DLEC1: variants seen among roughly 807,000 people sequenced by gnomAD.
The protein encoded by DLEC1 is DLEC1 cilia and flagella associated protein.
In DLEC1, 146 loss-of-function variants were observed where a neutral mutation model predicts 198.1. That is an observed-to-expected ratio of 0.74 (90% CI 0.64 to 0.85). DLEC1 has a LOEUF of 0.85. Among genes scored for constraint, DLEC1 ranks in the 40% least tolerant of loss-of-function variants. The pLI is 0.00. For synonymous variants in DLEC1, 897 were observed against 866.8 expected, an observed-to-expected ratio of 1.03 and a Z score of -0.61; for missense variants, 2,233 against 2,220.0, an observed-to-expected ratio of 1.01 and a Z score of -0.12.
chr3:38,119,476 CTT>C (rs1326676084), intron 33 of DLEC1, among the ~76,000 whole-genome samples: 1 of 152,100 alleles, frequency 6.6e-6, no homozygotes, highest in East Asian at 1.9e-4. Flanking sequence ...ACACTATTCT[CTT>C]TTCTTCATCC....
rs745494894 is a variant in DLEC1, at chr3:38,122,503, C to T, written c.*91C>T. On this transcript the variant is annotated 3_prime_UTR_variant, in exon 37 of 37. Transcript: ENST00000308059. ...CAGCTCTTCAGCACAAAGACACAGA[C>T]TTGGGGACCTGGGGACCTCTGGGCA... is the stretch of plus-strand genomic sequence containing the variant. The T allele has an allele frequency of 6.2e-7, 1 of 1,612,788 alleles. No individual in the cohort carries two copies. The highest frequency in any genetic ancestry group is 8.5e-7 in the Non-Finnish European group (1 of 1,179,748).
intron 6 of DLEC1, among the ~76,000 whole-genome samples, chr3:38,083,800 GT>G (rs11312889): frequency 0.42 from 61,150 of 145,984 alleles, 12,878 homozygotes; most frequent in East Asian, 0.57. Context: ...TAATTTTTTT[GT>G]TTTTTTTTTT....
intron 2 of DLEC1, chr3:38,051,975 T>C (rs1701139664): frequency 5.5e-6 from 1 of 180,538 alleles, no homozygotes; most frequent in Non-Finnish European, 1.2e-5. Flanking sequence ...CATAGACATT[T>C]TGACGTGGTA....
At chr3:38,081,836 C>T (rs1381692702) in intron 6 of DLEC1, among the ~76,000 whole-genome samples, 34 of 137,776 alleles carry the variant, frequency 2.5e-4, no homozygotes, top group African/African-American at 5.7e-4. Flanking sequence ...GCTGGCCAGG[C>T]GGGGGGCTGA....
intron 19 of DLEC1, among the ~76,000 whole-genome samples, chr3:38,106,059 T>G (rs1009973748): frequency 3.9e-5 from 6 of 152,238 alleles, no homozygotes; most frequent in Non-Finnish European, 5.9e-5. Flanking sequence ...GTAATATAGC[T>G]CAGCTCTATT....
chr3:38,118,427 C>T (rs1204235659), intron 33 of DLEC1, among the ~76,000 whole-genome samples: 1 of 152,168 alleles, frequency 6.6e-6, no homozygotes, highest in Non-Finnish European at 1.5e-5. Context: ...TCAGGTGAGC[C>T]CATGGGGTTG....
rs368500201 is a variant in DLEC1 at position 38,110,179 on chromosome 3, G to C, written c.3341G>C (p.Arg1114Pro). The C allele has an allele frequency of 4.7e-5, 76 of 1,614,190 alleles. No individual in the cohort carries two copies. The Middle Eastern group carries it at 1.2e-3, about 25-fold the overall frequency. The change falls in exon 23 of 37, where the codon CGC (arginine) becomes CCC (proline). Residue 1114 changes from arginine to proline, a missense_variant. Arg to Pro is a moderately radical substitution (Grantham distance 103). Coordinates refer to ENST00000308059, the MANE Select transcript of DLEC1 (RefSeq NM_007335.4). ...GTGCCACTGAGGACCCGTGTGACTC[G>C]CCAGCTCATTCTCACCAATCGCTCC... ...SAVPLRTRVT[R>P]QLILTNRSPI...
At chr3:38,044,401 A>C (rs1385533080) in intron 1 of DLEC1, among the ~76,000 whole-genome samples, 1 of 151,880 alleles carries the variant, frequency 6.6e-6, no homozygotes, top group Non-Finnish European at 1.5e-5. Context: ...TCTACTAAAA[A>C]ATATACAAAA....
intron 33 of DLEC1, among the ~76,000 whole-genome samples, chr3:38,118,758 T>C (rs1700313159): frequency 6.6e-6 from 1 of 152,154 alleles, no homozygotes; most frequent in Non-Finnish European, 1.5e-5. Context: ...CCCTTTATGC[T>C]GTGCTCCCTT....
In DLEC1 at chr3:38,120,458, C is replaced by A. The variant is rs1218144645; in HGVS notation, c.4715C>A (p.Ser1572Tyr). 2 of 1,614,062 alleles carry A rather than the reference C, an allele frequency of 1.2e-6. No homozygotes were observed. Among genetic ancestry groups the A allele is most frequent in the Non-Finnish European group, 1.7e-6 (2 of 1,180,032 alleles). ...TCCACATCTGCTCAGGTGAACGTGT[C>A]CTTCTCACTCTCCCTGGAGCTGCTC... ...QAQENMLVNV[S>Y]FSLSLELLSY... The change falls in exon 34 of 37, where the codon TCC becomes TAC. Residue 1572 changes from serine (S) to tyrosine (Y), a missense_variant. Ser to Tyr is a moderately radical substitution (Grantham distance 144). Coordinates refer to ENST00000308059, the MANE Select transcript of DLEC1 (RefSeq NM_007335.4).
chr3:38,111,430 G>C (rs1415716060), intron 23 of DLEC1, among the ~76,000 whole-genome samples: 1 of 152,214 alleles, frequency 6.6e-6, no homozygotes, highest in Non-Finnish European at 1.5e-5. Flanking sequence ...GGGTTTCTGG[G>C]GAGGTAATCC....
chr3:38,086,305 C>A lies in DLEC1; in HGVS notation c.1500C>A (p.Cys500Ter), dbSNP rs1264538096. 4 of 1,612,938 alleles carry A rather than the reference C, an allele frequency of 2.5e-6. No homozygotes were observed. Among genetic ancestry groups the A allele is most frequent in the African/African-American group, 2.7e-5 (2 of 74,878 alleles). ...IGGVKMTRFI[C>*]KNVGFSVGRF... ...GAGTCAAGATGACCAGATTCATCTG[C>A]AAAAATGTGGGTTTCAGTGTTGGCA... The change falls in exon 9 of 37, where the codon TGC becomes TGA. Residue 500 changes from cysteine (C) to a stop codon, truncating the protein, a stop_gained. Coordinates refer to ENST00000308059, the MANE Select transcript of DLEC1 (RefSeq NM_007335.4). LOFTEE classifies it high-confidence loss of function.
chr3:38,115,287 C>G (rs1451778447), intron 27 of DLEC1, among the ~76,000 whole-genome samples: 1 of 152,228 alleles, frequency 6.6e-6, no homozygotes, highest in African/African-American at 2.4e-5. Flanking sequence ...CTCCAGCCGG[C>G]AGGACCTGAC....
intron 19 of DLEC1, chr3:38,103,204 T>C (rs1169033650): frequency 6.6e-6 from 1 of 152,188 alleles, no homozygotes; most frequent in Non-Finnish European, 1.5e-5. Context: ...TATGTACACG[T>C]TTTTAGCACC....
chr3:38,096,836 C>T, intron 15 of DLEC1, 99 bp downstream of exon 15: 1 of 1,385,620 alleles, frequency 7.2e-7, no homozygotes, highest in Non-Finnish European at 9.8e-7. Flanking sequence ...TGGTAGCAGC[C>T]ACTGCATGGA....
rs372161095 is a variant in DLEC1, at chr3:38,040,898, G to A, written c.411+1262G>A. Among the ~76,000 whole-genome samples the A allele has an allele frequency of 2.0e-3, 299 of 151,668 alleles. 1 individual carries two copies. Among genetic ancestry groups the A allele is most frequent in the African/African-American group, 6.7e-3 (278 of 41,330 alleles). On this transcript the variant is annotated intron_variant, in intron 1 of 36. Transcript: ENST00000308059. ...TCTGTTGCCCAGGCTGGAGTGCAGT[G>A]ATGTGATCACAGCTCACTGCAGCCT...
At chr3:38,117,492 C>T in intron 31 of DLEC1, 35 bp from the exon 32 acceptor site, 2 of 1,613,836 alleles carry the variant, frequency 1.2e-6, no homozygotes, top group Middle Eastern at 1.7e-4. Flanking sequence ...GCCCCAGGCG[C>T]CCGGCTTGCC....
At chr3:38,100,240 T>C in intron 18 of DLEC1, 46 bp from the exon 19 acceptor site, 3 of 1,550,670 alleles carry the variant, frequency 1.9e-6, no homozygotes, top group Non-Finnish European at 1.7e-6. Context: ...CCTCTGCAAT[T>C]CCAAGTGTCC....
intron 33 of DLEC1, among the ~76,000 whole-genome samples, chr3:38,118,720 G>A (rs1369916560): frequency 6.6e-6 from 1 of 152,044 alleles, no homozygotes; most frequent in Non-Finnish European, 1.5e-5. Context: ...CTGCTTCAGA[G>A]GCCCTCTTTC....
Sources: gnomAD v4.1 joint callset for allele counts (sites outside exome capture counted in the v4.1 genomes callset) on GRCh38, gnomAD v4.1.1 for gene constraint, MANE v1.5 for transcripts, NCBI Gene and HGNC (gene_info 2026-07-23, HGNC 2026-07-21) for gene names.